The following XKR9 variants were observed in gnomAD, a reference collection of about 807,000 sequenced individuals.
XKR9 encodes XK related 9.
A neutral mutation model predicts 32.0 loss-of-function variants in XKR9; 32 were observed. The observed-to-expected ratio is 1.00, with a 90% CI of 0.76 to 1.34. The LOEUF (loss-of-function observed/expected upper bound fraction) is 1.34, where lower values mean the gene tolerates loss of function less well. Ranked by LOEUF, XKR9 falls within the 40% of genes most tolerant of loss-of-function variation. The pLI is 0.00. For synonymous variants in XKR9, 168 were observed against 143.4 expected (o/e 1.17, Z -1.22); for missense variants, 546 against 429.7 (o/e 1.27, Z -2.39).
At chr8:70,960,344 G>A in the XKR9 span, among the ~76,000 whole-genome samples, 25 of 152,094 alleles carry the variant, frequency 1.6e-4, no homozygotes, top group Admixed American at 4.6e-4. Flanking sequence ...ATAGCACCCA[G>A]ATATTCCTTT....
the XKR9 span, among the ~76,000 whole-genome samples, chr8:71,027,231 G>A: frequency 6.6e-6 from 1 of 151,516 alleles, no homozygotes; most frequent in South Asian, 2.1e-4. Flanking sequence ...TCCATTTTAT[G>A]AATTAGTCAT....
chr8:70,691,606 G>A (rs1805072861), intron 3 of XKR9, among the ~76,000 whole-genome samples: 1 of 152,124 alleles, frequency 6.6e-6, no homozygotes, highest in Non-Finnish European at 1.5e-5. Context: ...GTAAGGAAGA[G>A]GTCCAACTTC....
the XKR9 span, among the ~76,000 whole-genome samples, chr8:70,943,682 T>C: frequency 7.2e-5 from 11 of 152,242 alleles, no homozygotes; most frequent in African/African-American, 2.6e-4. Context: ...AAAGAAATTC[T>C]AAGTAAAGCT....
At chr8:70,908,775 T>C in the XKR9 span, among the ~76,000 whole-genome samples, 2 of 152,194 alleles carry the variant, frequency 1.3e-5, no homozygotes, top group African/African-American at 4.8e-5. Context: ...TTTTTAACCA[T>C]TAAAGATGTT....
At chr8:71,037,787 A>T in the XKR9 span, among the ~76,000 whole-genome samples, 1 of 152,204 alleles carries the variant, frequency 6.6e-6, no homozygotes, top group Non-Finnish European at 1.5e-5. Context: ...TGTCTTTTGC[A>T]TACTTTTCAT....
At chr8:70,754,466 A>T (rs1392016304) in intron 2 of XKR9, among the ~76,000 whole-genome samples, 1 of 134,938 alleles carries the variant, frequency 7.4e-6, no homozygotes, top group Non-Finnish European at 1.7e-5. Flanking sequence ...AGTCAATCCT[A>T]AGCCAAAAGA....
At chr8:70,767,671 T>C (rs1445717707) in intron 2 of XKR9, among the ~76,000 whole-genome samples, 1 of 151,740 alleles carries the variant, frequency 6.6e-6, no homozygotes, top group African/African-American at 2.4e-5. Context: ...TAATTTTTGT[T>C]TTTGTAATTT....
chr8:71,017,618 G>A, the XKR9 span, among the ~76,000 whole-genome samples: 1 of 152,192 alleles, frequency 6.6e-6, no homozygotes, highest in African/African-American at 2.4e-5. Flanking sequence ...TAGTTCTGCA[G>A]CACAAAATGA....
intron 2 of XKR9, among the ~76,000 whole-genome samples, chr8:70,752,364 G>T (rs1807154600): frequency 6.6e-6 from 1 of 152,164 alleles, no homozygotes; most frequent in African/African-American, 2.4e-5. Flanking sequence ...GAGGCTGGGT[G>T]GTTCAAGATT....
chr8:70,725,491 G>A (rs1260206721), intron 4 of XKR9, among the ~76,000 whole-genome samples: 1 of 152,056 alleles, frequency 6.6e-6, no homozygotes, highest in African/African-American at 2.4e-5. Flanking sequence ...AGAGTTGATA[G>A]TGATTTCTTC....
At chr8:70,894,343 G>T in the XKR9 span, among the ~76,000 whole-genome samples, 1 of 152,198 alleles carries the variant, frequency 6.6e-6, no homozygotes, top group African/African-American at 2.4e-5. Flanking sequence ...TTCCCAAGTA[G>T]AGGGATGTGT....
chr8:70,775,181 C>A (rs1262103755), intron 2 of XKR9, among the ~76,000 whole-genome samples: 5 of 152,044 alleles, frequency 3.3e-5, no homozygotes, highest in Admixed American at 6.6e-5. Context: ...TTGTATCCTG[C>A]AAATTTGCTA....
the XKR9 span, among the ~76,000 whole-genome samples, chr8:71,027,938 T>TA: frequency 3.9e-5 from 6 of 152,104 alleles, no homozygotes; most frequent in East Asian, 1.9e-4. Flanking sequence ...CACAGCTAAT[T>TA]AAAAAAAATT....
chr8:70,798,787 G>A, the XKR9 span, among the ~76,000 whole-genome samples: 9 of 152,270 alleles, frequency 5.9e-5, no homozygotes, highest in African/African-American at 1.7e-4. Flanking sequence ...TATCCTAGCA[G>A]CATTTATTGA....
the XKR9 span, among the ~76,000 whole-genome samples, chr8:71,017,681 T>C: frequency 2.6e-5 from 4 of 152,252 alleles, no homozygotes; most frequent in Middle Eastern, 3.2e-3. Flanking sequence ...TCCTTTGGAA[T>C]TCAGGGTAAC....
At chr8:70,739,463 T>C (rs1806926654), downstream of XKR9, among the ~76,000 whole-genome samples, 1 of 152,198 alleles carries the variant, frequency 6.6e-6, no homozygotes, top group African/African-American at 2.4e-5. Context: ...TTTAGTCCAT[T>C]TACATTTAAA....
At chr8:70,923,862 A>G in the XKR9 span, among the ~76,000 whole-genome samples, 26 of 152,186 alleles carry the variant, frequency 1.7e-4, no homozygotes, top group African/African-American at 4.8e-4. Flanking sequence ...TTTGAATTCT[A>G]TGTTCTATAT....
At chr8:70,861,828 C>T in the XKR9 span, among the ~76,000 whole-genome samples, 1 of 152,146 alleles carries the variant, frequency 6.6e-6, no homozygotes, top group Non-Finnish European at 1.5e-5. Flanking sequence ...TCTGTCACCA[C>T]CACCAAATTG....
chr8:71,019,913 G>C, the XKR9 span, among the ~76,000 whole-genome samples: 4 of 152,156 alleles, frequency 2.6e-5, no homozygotes, highest in African/African-American at 9.7e-5. Context: ...GCCTGGTAAA[G>C]TCATATAAAA....
Sources: gnomAD v4.1 joint callset for allele counts (sites outside exome capture counted in the v4.1 genomes callset) on GRCh38, gnomAD v4.1.1 for gene constraint, MANE v1.5 for transcripts, NCBI Gene and HGNC (gene_info 2026-07-23, HGNC 2026-07-21) for gene names.